Variants in MKLN1 observed in about 807,000 individuals in gnomAD.
MKLN1 encodes muskelin.
MKLN1 carries 18 observed loss-of-function variants against 99.0 expected under a neutral mutation model. The observed-to-expected ratio is 0.18, with a 90% CI of 0.13 to 0.27. The LOEUF (loss-of-function observed/expected upper bound fraction) is 0.27. Ranked by LOEUF, MKLN1 falls within the 10% of genes least tolerant of loss-of-function variation. MKLN1 has a pLI of 1.00. For synonymous variants in MKLN1, 288 were observed against 293.2 expected, an observed-to-expected ratio of 0.98 and a Z score of 0.18; for missense variants, 621 against 875.9, an observed-to-expected ratio of 0.71 and a Z score of 3.67.
At chr7:131,429,456 A>G (rs1001148214) in intron 9 of MKLN1, among the ~76,000 whole-genome samples, 1 of 152,014 alleles carries the variant, frequency 6.6e-6, no homozygotes, top group Non-Finnish European at 1.5e-5. Flanking sequence ...TTATGTCTCC[A>G]CTACCTCTAT....
chr7:131,196,374 C>T (rs1796644797), intron 2 of MKLN1, among the ~76,000 whole-genome samples: 2 of 152,120 alleles, frequency 1.3e-5, no homozygotes, highest in Non-Finnish European at 2.9e-5. Flanking sequence ...TTCTTCAGAA[C>T]GTCAATCAAG....
chr7:131,277,579 C>A (rs1437169651), intron 3 of MKLN1, among the ~76,000 whole-genome samples: 1 of 152,068 alleles, frequency 6.6e-6, no homozygotes, highest in South Asian at 2.1e-4. Flanking sequence ...CCACCACACC[C>A]GGCCTTTTTG....
chr7:131,218,587 C>T (rs1383321540), intron 3 of MKLN1, among the ~76,000 whole-genome samples: 2 of 152,116 alleles, frequency 1.3e-5, no homozygotes, highest in Admixed American at 6.6e-5. Flanking sequence ...CCTTCACTGT[C>T]GTAATTTTTG....
chr7:131,147,684 G>GGAA (rs1795834831), intron 2 of MKLN1, among the ~76,000 whole-genome samples: 3 of 152,152 alleles, frequency 2.0e-5, no homozygotes, highest in African/African-American at 7.2e-5. Flanking sequence ...GCTAGAAAGT[G>GGAA]GAAAACCAGG....
chr7:131,403,395 C>T (rs778616960), intron 6 of MKLN1, among the ~76,000 whole-genome samples: 31 of 152,158 alleles, frequency 2.0e-4, no homozygotes, highest in Non-Finnish European at 3.7e-4. Context: ...CTGGTTTAAT[C>T]TATCCAGACC....
intron 1 of MKLN1, among the ~76,000 whole-genome samples, chr7:131,339,374 A>T (rs1418659252): frequency 1.3e-5 from 2 of 152,210 alleles, no homozygotes; most frequent in African/African-American, 4.8e-5. Context: ...GGTGATTTGC[A>T]CATTTCTTTT....
At chr7:131,133,226 C>A (rs1402521040) in intron 1 of MKLN1, among the ~76,000 whole-genome samples, 5 of 151,916 alleles carry the variant, frequency 3.3e-5, no homozygotes, top group Non-Finnish European at 7.4e-5. Context: ...CCCAATTCCA[C>A]CTTCTTTCCA....
chr7:131,162,343 A>G (rs969767535), intron 2 of MKLN1, among the ~76,000 whole-genome samples: 1 of 152,088 alleles, frequency 6.6e-6, no homozygotes, highest in African/African-American at 2.4e-5. Flanking sequence ...ATGAACCAAC[A>G]CGCTCATGGT....
intron 2 of MKLN1, among the ~76,000 whole-genome samples, chr7:131,176,451 G>A (rs1446098410): frequency 6.6e-6 from 1 of 152,154 alleles, no homozygotes; most frequent in East Asian, 1.9e-4. Context: ...TACAAAAAGT[G>A]TATCTTTTGG....
At chr7:131,411,237 A>C in intron 6 of MKLN1, 69 bp from the exon 7 acceptor site, 1 of 930,718 alleles carries the variant, frequency 1.1e-6, no homozygotes, top group Non-Finnish European at 1.6e-6. Flanking sequence ...TTTAAATTTT[A>C]ATTTTTTTCT....
At chr7:131,160,482 T>C (rs1381935602) in intron 2 of MKLN1, among the ~76,000 whole-genome samples, 1 of 136,678 alleles carries the variant, frequency 7.3e-6, no homozygotes. Context: ...CTTATTTTAT[T>C]ATTATTATTA....
At chr7:131,477,780 C>T (rs1797008351) in intron 16 of MKLN1, among the ~76,000 whole-genome samples, 1 of 152,178 alleles carries the variant, frequency 6.6e-6, no homozygotes, top group Non-Finnish European at 1.5e-5. Context: ...GAAATATATC[C>T]TGAGGACTTG....
rs184097693 is a variant in MKLN1, at chr7:131,413,509, C to T, written c.782-1136C>T. Among the ~76,000 whole-genome samples the T allele has an allele frequency of 3.8e-4, 58 of 152,030 alleles. No homozygotes were observed. In the East Asian group the frequency reaches 8.7e-3, roughly 23 times the overall value. Reference sequence around the variant, plus strand: ...TTCATATCAAGTAAGACATTAGAATCTTACAACCTTTTGAACTACTGAAAT... The same window carrying T: ...TTCATATCAAGTAAGACATTAGAATTTTACAACCTTTTGAACTACTGAAAT... On this transcript the variant is annotated intron_variant, in intron 7 of 17. Transcript: ENST00000352689.
rs1229811525 is a variant in MKLN1, at chr7:131,337,956, G to A, written c.98+9959G>A. 6.6e-5 allele frequency among the ~76,000 whole-genome samples: 10 copies of A among 152,176 alleles called. No homozygotes were observed. The East Asian group carries it at 1.7e-3, about 27-fold the overall frequency. ...TTCAGATTCACCCATCTTCTTGCAGGCAGATAGAGATCACTGCAACTGTCA... is the reference window on the plus strand; with the variant it reads ...TTCAGATTCACCCATCTTCTTGCAGACAGATAGAGATCACTGCAACTGTCA... On this transcript the variant is annotated intron_variant, in intron 1 of 17. Transcript: ENST00000352689.
In MKLN1 at chr7:131,414,665, C is replaced by A; in HGVS notation, c.802C>A (p.Pro268Thr). The stretch of plus-strand genomic sequence containing the variant: ...TAAAGGTGATGGGGAAGATAACCGT[C>A]CAGGAATGAGAGGAGGCCATCAGAT... ...STKGDGEDNR[P>T]GMRGGHQMVI... is the part of the protein sequence containing the mutation. Residue 268 changes from proline (P) to threonine (T), a missense_variant, in exon 8 of 18, where the codon CCA (proline) becomes ACA (threonine). Physicochemically the swap from Pro to Thr is conservative, Grantham distance 38. Around this residue, in one of 8 missense-constraint regions of MKLN1, gnomAD observed 361 missense variants for 540.8 expected, o/e 0.67. Transcript: ENST00000352689. The A allele has an allele frequency of 6.2e-7, 1 of 1,609,688 alleles. No individual in the cohort carries two copies. Among genetic ancestry groups the A allele is most frequent in the Non-Finnish European group, 8.5e-7 (1 of 1,177,718 alleles).
intron 1 of MKLN1, among the ~76,000 whole-genome samples, chr7:131,128,091 T>C (rs1419160387): frequency 6.6e-6 from 1 of 151,618 alleles, no homozygotes; most frequent in Non-Finnish European, 1.5e-5. Context: ...CAGTTGGCTG[T>C]GGAGGAAATT....
At chr7:131,332,561 A>T (rs899140521) in intron 1 of MKLN1, among the ~76,000 whole-genome samples, 14 of 151,258 alleles carry the variant, frequency 9.3e-5, no homozygotes, top group Non-Finnish European at 1.9e-4. Flanking sequence ...CAGAAACAAA[A>T]TTTAAATTAC....
At chr7:131,183,539 C>T (rs542231899) in intron 2 of MKLN1, among the ~76,000 whole-genome samples, 2 of 151,918 alleles carry the variant, frequency 1.3e-5, no homozygotes, top group African/African-American at 2.4e-5. Context: ...TGCAAGTTTT[C>T]GTAATAAAAA....
intron 1 of MKLN1, among the ~76,000 whole-genome samples, chr7:131,337,802 GATA>G (rs980332235): frequency 6.6e-6 from 1 of 151,118 alleles, no homozygotes; most frequent in Non-Finnish European, 1.5e-5. Flanking sequence ...ATTACATGTG[GATA>G]ATAACATAAT....
Sources: allele counts gnomAD v4.1 joint callset (sites outside exome capture counted in the v4.1 genomes callset), GRCh38; gene constraint gnomAD v4.1.1; regional missense constraint gnomAD v4.1.1; transcripts MANE v1.5; gene names NCBI Gene and HGNC (gene_info 2026-07-23, HGNC 2026-07-21).